CNTNAP5: variants seen among roughly 807,000 people sequenced by gnomAD.
CNTNAP5 encodes the protein contactin-associated protein-like 5.
CNTNAP5 carries 72 observed loss-of-function variants against 150.2 expected under a neutral mutation model. The ratio of observed to expected loss-of-function variants is 0.48; its 90% CI spans 0.40 to 0.58. The LOEUF (loss-of-function observed/expected upper bound fraction) is 0.58, where lower values mean the gene tolerates loss of function less well. Among genes scored for constraint, CNTNAP5 ranks in the 20% least tolerant of loss-of-function variants. CNTNAP5 has a pLI of 0.00. For synonymous variants in CNTNAP5, 672 were observed against 619.8 expected (o/e 1.08, Z -1.25); for missense variants, 1,636 against 1,626.2 (o/e 1.01, Z -0.10).
chr2:124,886,151 A>G (rs1344064387), intron 21 of CNTNAP5, among the ~76,000 whole-genome samples: 1 of 152,032 alleles, frequency 6.6e-6, no homozygotes, highest in African/African-American at 2.4e-5. Flanking sequence ...TTATTCTTTT[A>G]ATTATCCTAC....
At chr2:124,739,413 G>A (rs1161536890) in intron 13 of CNTNAP5, among the ~76,000 whole-genome samples, 1 of 152,170 alleles carries the variant, frequency 6.6e-6, no homozygotes, top group East Asian at 1.9e-4. Context: ...GAAAGAAAGA[G>A]CATATAAAAC....
chr2:124,806,382 G>A (rs781111974), intron 19 of CNTNAP5, among the ~76,000 whole-genome samples: 7 of 152,150 alleles, frequency 4.6e-5, no homozygotes, highest in Non-Finnish European at 8.8e-5. Flanking sequence ...AGTATAAATA[G>A]GCATGAATAT....
At chr2:124,120,483 A>G (rs1196838558) in intron 1 of CNTNAP5, among the ~76,000 whole-genome samples, 1 of 152,236 alleles carries the variant, frequency 6.6e-6, no homozygotes, top group Non-Finnish European at 1.5e-5. Context: ...GAACATGAAT[A>G]GGCTCAGAGA....
chr2:124,597,550 A>G (rs1432759372), intron 11 of CNTNAP5, among the ~76,000 whole-genome samples: 1 of 151,046 alleles, frequency 6.6e-6, no homozygotes, highest in Non-Finnish European at 1.5e-5. Flanking sequence ...GGGTAACCCG[A>G]ACTTTTTCTC....
chr2:124,831,414 G>T (rs1682714271), intron 19 of CNTNAP5, among the ~76,000 whole-genome samples: 2 of 151,296 alleles, frequency 1.3e-5, no homozygotes, highest in African/African-American at 4.8e-5. Flanking sequence ...CCTACTTACT[G>T]GTTCCTTTCT....
rs1285109151 is a variant in CNTNAP5, at chr2:124,915,895, C to T, written c.*1607C>T. Among the ~76,000 whole-genome samples the T allele has an allele frequency of 6.6e-6, 1 of 151,980 alleles. No individual in the cohort carries two copies. Among genetic ancestry groups the T allele is most frequent in the Non-Finnish European group, 1.5e-5 (1 of 67,952 alleles). ...TAGTGGAAATGCTCATGTAATGATT[C>T]TTAGGTGTGGAAAATACTTGCTGAT... On this transcript the variant is annotated 3_prime_UTR_variant, in exon 24 of 24. Coordinates refer to ENST00000682447, the MANE Select transcript of CNTNAP5 (RefSeq NM_001367498.1).
intron 1 of CNTNAP5, among the ~76,000 whole-genome samples, chr2:124,215,440 CT>C (rs553821648): frequency 2.0e-5 from 3 of 150,658 alleles, no homozygotes; most frequent in Admixed American, 6.6e-5. Flanking sequence ...TTGGAATTCT[CT>C]GTTGTGCCTT....
intron 12 of CNTNAP5, among the ~76,000 whole-genome samples, chr2:124,636,490 T>C (rs1293202470): frequency 1.3e-5 from 2 of 152,152 alleles, no homozygotes; most frequent in Admixed American, 1.3e-4. Context: ...AAAGCACTCA[T>C]GAAAATTAAT....
At chr2:124,382,757 T>C (rs1190823569) in intron 3 of CNTNAP5, among the ~76,000 whole-genome samples, 1 of 152,184 alleles carries the variant, frequency 6.6e-6, no homozygotes, top group East Asian at 1.9e-4. Context: ...CCTGCCGTTA[T>C]TCTTATCCAC....
chr2:124,886,406 T>C (rs1319903120), intron 21 of CNTNAP5, among the ~76,000 whole-genome samples: 3 of 152,082 alleles, frequency 2.0e-5, no homozygotes, highest in African/African-American at 7.2e-5. Context: ...AAATCTATCC[T>C]CTTTGAAATG....
chr2:124,133,183 T>C (rs1683896874), intron 1 of CNTNAP5, among the ~76,000 whole-genome samples: 1 of 152,120 alleles, frequency 6.6e-6, no homozygotes, highest in Non-Finnish European at 1.5e-5. Flanking sequence ...GACTGACAAT[T>C]CTAACTCAAC....
chr2:124,563,547 G>A (rs1282383918), intron 11 of CNTNAP5, among the ~76,000 whole-genome samples: 3 of 152,226 alleles, frequency 2.0e-5, no homozygotes, highest in African/African-American at 4.8e-5. Context: ...AGACAGGCAG[G>A]AAATGAGATC....
At chr2:124,393,385 T>C (rs929443748) in intron 3 of CNTNAP5, among the ~76,000 whole-genome samples, 22 of 152,136 alleles carry the variant, frequency 1.4e-4, no homozygotes, top group African/African-American at 5.3e-4. Context: ...TTTTGCAGTA[T>C]CAGAATAGAC....
At chr2:124,640,208 A>G (rs1193852945) in intron 12 of CNTNAP5, among the ~76,000 whole-genome samples, 1 of 152,196 alleles carries the variant, frequency 6.6e-6, no homozygotes, top group Non-Finnish European at 1.5e-5. Context: ...CTAAGACCAT[A>G]AAACAAATTT....
intron 1 of CNTNAP5, among the ~76,000 whole-genome samples, chr2:124,178,097 T>G (rs1274084113): frequency 2.0e-5 from 3 of 152,142 alleles, no homozygotes; most frequent in Non-Finnish European, 4.4e-5. Flanking sequence ...TCCACCCGCC[T>G]CGGCCTCCCA....
At chr2:124,838,581 A>G (rs966789148) in intron 19 of CNTNAP5, among the ~76,000 whole-genome samples, 1 of 152,124 alleles carries the variant, frequency 6.6e-6, no homozygotes, top group African/African-American at 2.4e-5. Flanking sequence ...ACTTACTATA[A>G]AGCAATGTCT....
At chr2:124,081,790 A>G (rs905261120) in intron 1 of CNTNAP5, among the ~76,000 whole-genome samples, 1 of 152,200 alleles carries the variant, frequency 6.6e-6, no homozygotes, top group African/African-American at 2.4e-5. Flanking sequence ...ATAGTTGTAG[A>G]TTCACACGCG....
intron 1 of CNTNAP5, among the ~76,000 whole-genome samples, chr2:124,095,172 G>A (rs1682904750): frequency 6.6e-6 from 1 of 152,118 alleles, no homozygotes; most frequent in Non-Finnish European, 1.5e-5. Context: ...CCATGAAAAA[G>A]GATGAGTTCA....
At position 124,059,800 on chromosome 2, in the gene CNTNAP5, G is replaced by A. The variant is rs533508178; in HGVS notation, c.82+34068G>A. Among the ~76,000 whole-genome samples the A allele has an allele frequency of 3.3e-5, 5 of 152,064 alleles. No individual in the cohort carries two copies. The East Asian group carries it at 7.8e-4, about 24-fold the overall frequency. On this transcript the variant is annotated intron_variant, in intron 1 of 23. Transcript: ENST00000682447. ...GCTCTGGTCTTCTGAACAAGATGGC[G>A]AGTTCCTCAAGGGCAAGAGCCTGTG... is the stretch of plus-strand genomic sequence containing the variant.
Sources: allele counts gnomAD v4.1 joint callset (sites outside exome capture counted in the v4.1 genomes callset), GRCh38; gene constraint gnomAD v4.1.1; transcripts MANE v1.5; gene names NCBI Gene and HGNC (gene_info 2026-07-23, HGNC 2026-07-21).